The following KIF1C variants were observed in gnomAD, a reference collection of about 807,000 sequenced individuals.
KIF1C encodes kinesin-like protein KIF1C.
A neutral mutation model predicts 126.5 loss-of-function variants in KIF1C; 61 were observed. The ratio of observed to expected loss-of-function variants is 0.48; its 90% CI spans 0.39 to 0.60. KIF1C has a LOEUF of 0.60. Among genes scored for constraint, KIF1C ranks in the 20% least tolerant of loss-of-function variants. KIF1C has a pLI of 0.00. For synonymous variants in KIF1C, 640 were observed against 580.6 expected, an observed-to-expected ratio of 1.10 and a Z score of -1.47; for missense variants, 1,315 against 1,489.2, an observed-to-expected ratio of 0.88 and a Z score of 1.93.
intron 18 of KIF1C, among the ~76,000 whole-genome samples, chr17:5,016,470 C>G (rs1974975137): frequency 6.6e-6 from 1 of 151,784 alleles, no homozygotes; most frequent in Non-Finnish European, 1.5e-5. Flanking sequence ...TCAGGCTAGT[C>G]TTGAACTCCT....
rs766141834 is a variant in KIF1C at position 5,004,079 on chromosome 17, G to A, written c.940+6G>A. 1.2e-6 allele frequency: 2 copies of A among 1,602,428 alleles called. No individual in the cohort carries two copies. Among genetic ancestry groups the A allele is most frequent in the East Asian group, 4.5e-5 (2 of 44,830 alleles). ...GCTGCTCAAGGAAAATTTGGGTGAG[G>A]GCCTCTTCCTCTTTCTCTGCCGACC... On this transcript the variant is annotated splice_donor_region_variant and intron_variant, in intron 11 of 22. Coordinates refer to ENST00000320785, the MANE Select transcript of KIF1C (RefSeq NM_006612.6).
chr17:5,001,987 T>C, intron 5 of KIF1C, 72 bp from the exon 6 acceptor site: 1 of 1,395,324 alleles, frequency 7.2e-7, no homozygotes, highest in Non-Finnish European at 1.0e-6. Context: ...GGACTGGGCC[T>C]GGCCTGTGGC....
intron 2 of KIF1C, 79 bp downstream of exon 2, chr17:5,000,049 C>T (rs548081000): frequency 3.4e-6 from 2 of 589,372 alleles, no homozygotes; most frequent in South Asian, 2.0e-5. Context: ...TTGGGAGTCT[C>T]TCAAGACAGT....
chr17:5,022,094 T>C lies in KIF1C; in HGVS notation c.2013T>C (p.Tyr671=), dbSNP rs1975102180. 1 of 1,598,172 alleles carries C rather than the reference T, an allele frequency of 6.3e-7. No individual in the cohort carries two copies. ...CCTCTTTCTTTCTCTGGCCCCAGTA[T>C]GCAGACTCGGACAGCGGGGATGACT... ...ADLLLEQQRL[Y]ADSDSGDDSD... is the part of the protein sequence containing the mutation. Residue 671 remains tyrosine (Y), a splice_region_variant and synonymous_variant, in exon 22 of 23, where the codon TAT becomes TAC. Coordinates refer to ENST00000320785, the MANE Select transcript of KIF1C (RefSeq NM_006612.6). This position sits in a 1 kb window ranked among gnomAD's most constrained non-coding sequence, Gnocchi z 4.9.
At chr17:5,007,172 C>G in intron 14 of KIF1C, 88 bp downstream of exon 14, 1 of 1,564,794 alleles carries the variant, frequency 6.4e-7, no homozygotes, top group Non-Finnish European at 8.7e-7. Context: ...AGAAGGAATT[C>G]TAGGAGTAGC....
chr17:5,017,330 C>T (rs1200735949), intron 18 of KIF1C, among the ~76,000 whole-genome samples: 9 of 129,236 alleles, frequency 7.0e-5, no homozygotes, highest in Admixed American at 3.7e-4. Flanking sequence ...GACGGAGTCT[C>T]GCTCTGTCGC....
chr17:5,003,884 C>T lies in KIF1C; in HGVS notation c.832C>T (p.Leu278=). 1 of 1,613,918 alleles carries T rather than the reference C, an allele frequency of 6.2e-7. No individual in the cohort carries two copies. The highest frequency in any genetic ancestry group is 8.5e-7 in the Non-Finnish European group (1 of 1,179,820). The change falls in exon 10 of 23, where the codon CTA becomes TTA. Residue 278 remains leucine, a synonymous_variant. Coordinates refer to ENST00000320785, the MANE Select transcript of KIF1C (RefSeq NM_006612.6). ...GANINKSLTT[L]GKVISALADM... is the part of the protein sequence containing the mutation. ...CAACATCAATAAGTCCCTGACTACA[C>T]TAGGGAAAGTGATCTCGGCCCTTGC...
chr17:5,013,415 G>A (rs1373724864), intron 16 of KIF1C, among the ~76,000 whole-genome samples: 1 of 152,132 alleles, frequency 6.6e-6, no homozygotes, highest in African/African-American at 2.4e-5. Flanking sequence ...CTTGTGTGAG[G>A]AGAGGGTGGA....
At chr17:5,017,450 C>G (rs562817131) in intron 18 of KIF1C, among the ~76,000 whole-genome samples, 1 of 151,972 alleles carries the variant, frequency 6.6e-6, no homozygotes, top group Non-Finnish European at 1.5e-5. Flanking sequence ...CAGGCGCCCC[C>G]CCACCACCAC....
chr17:5,024,258 TGA>T lies in KIF1C; in HGVS notation c.*114_*115del, dbSNP rs1975163921. 1 of 810,520 alleles carries T rather than the reference TGA, an allele frequency of 1.2e-6. No individual in the cohort carries two copies. The highest frequency in any genetic ancestry group is 1.8e-5 in the African/African-American group (1 of 56,200). 50.2% of individuals were successfully genotyped at this position (810,520 alleles called of 1,614,324 possible). A position where few individuals can be genotyped will look rare whatever the true frequency, so the allele number is the denominator to read the frequency against. The stretch of plus-strand genomic sequence containing the variant: ...TGCTGGGGCAGGGAGGCCCAGGAGA[TGA>T]GAGAGAAGGTCCGAGTAGGTGATAG... On this transcript the variant is annotated 3_prime_UTR_variant, in exon 23 of 23. Transcript: ENST00000320785.
Position 5,025,552 on chromosome 17 carries a change from T to C in KIF1C, c.*1401T>C, listed in dbSNP as rs577679980. The C allele has an allele frequency of 3.2e-4, 48 of 152,340 alleles. No individual in the cohort carries two copies. The highest frequency in any genetic ancestry group is 1.1e-3 in the African/African-American group (44 of 41,578). 9.4% of individuals were successfully genotyped at this position (152,340 alleles called of 1,614,324 possible). ...CTGTTTGTTGGCCAGGCGCAGTGGT[T>C]CACGCCTGTAATGCCAGCACTGGGA... On this transcript the variant is annotated 3_prime_UTR_variant, in exon 23 of 23. Coordinates refer to ENST00000320785, the MANE Select transcript of KIF1C (RefSeq NM_006612.6).
In KIF1C at chr17:5,002,862, C is replaced by G. The variant is rs201019441; in HGVS notation, c.720+20C>G. On this transcript the variant is annotated intron_variant, in intron 8 of 22. Coordinates refer to ENST00000320785, the MANE Select transcript of KIF1C (RefSeq NM_006612.6). ...GAGAAGGTGGGATCGCCCCCCCCCC[C>G]ACTCCCCCACCGGATGCAACCTCCC... 3.8e-4 allele frequency: 562 copies of G among 1,484,788 alleles called. 2 individuals are homozygous for G. The African/African-American group carries it at 8.4e-3, about 22-fold the overall frequency. The allele number at this position is 1,484,788 out of a possible 1,614,324, so 92.0% of individuals were successfully genotyped here.
At position 5,007,016 on chromosome 17, in the gene KIF1C, C is replaced by G. The variant is rs1034923851; in HGVS notation, c.1267C>G (p.Leu423Val). 12 of 1,609,884 alleles carry G rather than the reference C, an allele frequency of 7.5e-6. No individual in the cohort carries two copies. In the Middle Eastern group the frequency reaches 8.3e-4, roughly 111 times the overall value. The change falls in exon 14 of 23, where the codon CTG (leucine) becomes GTG (valine). Residue 423 changes from leucine (L) to valine (V), a missense_variant. Leu to Val is a conservative substitution (Grantham distance 32, BLOSUM62 1). Transcript: ENST00000320785. ...PSSPTTHNGE[L>V]EPSFSPNTES... ...ATCACCCACCACACATAATGGGGAG[C>G]TGGAGCCGTCATTCTCCCCCAACAC...
rs587777197 is a variant in KIF1C, at chr17:5,022,272, C to T, written c.2191C>T (p.Arg731Ter). ...APRRVYQIPQ[R>*]RRLQGKDPRW... Reference sequence around the variant, plus strand: ...TCGCAGGGTTTATCAGATCCCCCAGCGACGCAGGCTGCAGGGCAAAGACCC... The same window carrying T: ...TCGCAGGGTTTATCAGATCCCCCAGTGACGCAGGCTGCAGGGCAAAGACCC... Residue 731 changes from arginine to a stop codon, truncating the protein, a stop_gained, in exon 22 of 23, where the codon CGA becomes TGA. Coordinates refer to ENST00000320785, the MANE Select transcript of KIF1C (RefSeq NM_006612.6). LOFTEE classifies it high-confidence loss of function. This position sits in a 1 kb window ranked among gnomAD's most constrained non-coding sequence, Gnocchi z 4.9. 6 of 1,614,034 alleles carry T rather than the reference C, an allele frequency of 3.7e-6. No individual in the cohort carries two copies. The highest frequency in any genetic ancestry group is 1.7e-5 in the Admixed American group (1 of 60,002).
At position 5,004,614 on chromosome 17, in the gene KIF1C, A is replaced by G. The variant is rs1974682710; in HGVS notation, c.988A>G (p.Ile330Val). 1 of 1,614,072 alleles carries G rather than the reference A, an allele frequency of 6.2e-7. No individual in the cohort carries two copies. Among genetic ancestry groups the G allele is most frequent in the African/African-American group, 1.3e-5 (1 of 74,946 alleles). The change falls in exon 12 of 23, where the codon ATC (isoleucine) becomes GTC (valine). Residue 330 changes from isoleucine (I) to valine (V), a missense_variant. Coordinates refer to ENST00000320785, the MANE Select transcript of KIF1C (RefSeq NM_006612.6). ...AMIAALSPAD[I>V]NYEETLSTLR... is the part of the protein sequence containing the mutation. ...GATTGCAGCCCTGAGCCCTGCTGAC[A>G]TCAATTACGAGGAGACTCTCAGCAC...
chr17:5,019,211 A>G (rs1003871262), intron 18 of KIF1C: 1 of 167,550 alleles, frequency 6.0e-6, no homozygotes, highest in Non-Finnish European at 1.5e-5. Flanking sequence ...AATAAAACAC[A>G]TGTTTGCATG....
In KIF1C at chr17:5,002,080, C is replaced by T. The variant is rs745851014; in HGVS notation, c.385C>T (p.Arg129Cys). The T allele has an allele frequency of 1.7e-5, 27 of 1,613,936 alleles. No individual in the cohort carries two copies. Among genetic ancestry groups the T allele is most frequent in the Admixed American group, 8.3e-5 (5 of 60,002 alleles). Residue 129 changes from arginine to cysteine, a missense_variant, in exon 6 of 23, where the codon CGC becomes TGC. Around this residue, in one of 2 missense-constraint regions of KIF1C, gnomAD observed 874 missense variants for 1,053.2 expected, o/e 0.83. Transcript: ENST00000320785. The part of the protein sequence containing the change: ...VPQLCEDLFS[R>C]VSENQSAQLS... ...CCAGCTCTGTGAGGACCTCTTCTCT[C>T]GCGTTAGTGAGAACCAGAGTGCTCA...
intron 16 of KIF1C, among the ~76,000 whole-genome samples, chr17:5,007,929 T>G (rs1271768560): frequency 6.6e-6 from 1 of 152,214 alleles, no homozygotes; most frequent in Non-Finnish European, 1.5e-5. Context: ...GAGCACTACA[T>G]TGTAAGACAG....
In KIF1C at chr17:5,022,726, G is replaced by T. The variant is rs749303962; in HGVS notation, c.2628+17G>T. 6 of 1,504,884 alleles carry T rather than the reference G, an allele frequency of 4.0e-6. 1 individual carries two copies. The Admixed American group carries it at 1.3e-4, about 34-fold the overall frequency. The allele number at this position is 1,504,884 out of a possible 1,614,324, so 93.2% of individuals were successfully genotyped here. ...CTGGCCCAGGTAGGACTGGCCTTCT[G>T]CCTCCCTTCTCTCCTCCCTCGGCTC... On this transcript the variant is annotated intron_variant, in intron 22 of 22. Transcript: ENST00000320785. The surrounding 1 kb of genome is among the most constrained non-coding windows in gnomAD (Gnocchi z 4.9).
Sources: gnomAD v4.1 joint callset for allele counts (sites outside exome capture counted in the v4.1 genomes callset) on GRCh38, gnomAD v4.1.1 for gene constraint, gnomAD v4.1.1 regional missense constraint, Gnocchi (gnomAD v3.1) non-coding constraint, MANE v1.5 for transcripts, NCBI Gene and HGNC (gene_info 2026-07-23, HGNC 2026-07-21) for gene names.